Variants in PLCE1 observed in about 807,000 individuals in gnomAD.
PLCE1 encodes 1-phosphatidylinositol 4,5-bisphosphate phosphodiesterase epsilon-1.
PLCE1 carries 119 observed loss-of-function variants against 242.8 expected under a neutral mutation model. That is an observed-to-expected ratio of 0.49 (90% confidence interval 0.42 to 0.57). The LOEUF (loss-of-function observed/expected upper bound fraction) is 0.57. Among genes scored for constraint, PLCE1 ranks in the 20% least tolerant of loss-of-function variants. The pLI is 0.00. For missense variants in PLCE1, 2,441 were observed against 2,788.8 expected, an observed-to-expected ratio of 0.88 and a Z score of 2.81; for synonymous variants, 945 against 1,017.4, an observed-to-expected ratio of 0.93 and a Z score of 1.35.
At chr10:94,301,152 C>T (rs2053023037) in intron 24 of PLCE1, among the ~76,000 whole-genome samples, 1 of 152,022 alleles carries the variant, frequency 6.6e-6, no homozygotes, top group Non-Finnish European at 1.5e-5. Context: ...CAAGACCAGC[C>T]TGGCCAACAT....
intron 1 of PLCE1, among the ~76,000 whole-genome samples, chr10:94,020,852 CAG>C (rs370471196): frequency 2.0e-4 from 31 of 152,146 alleles, no homozygotes; most frequent in African/African-American, 6.7e-4. Context: ...GTTTTTGAGA[CAG>C]AGTCTCACTC....
At chr10:94,304,752 G>A (rs1021088057) in intron 25 of PLCE1, 107 bp downstream of exon 25, 2 of 1,086,390 alleles carry the variant, frequency 1.8e-6, no homozygotes, top group Non-Finnish European at 2.8e-6. Context: ...CACAATTTGG[G>A]TCATACAGAT....
At chr10:94,087,411 C>G (rs900121459) in intron 2 of PLCE1, among the ~76,000 whole-genome samples, 1 of 151,284 alleles carries the variant, frequency 6.6e-6, no homozygotes, top group Non-Finnish European at 1.5e-5. Context: ...TGCAAGGAAC[C>G]CTAGAGCCCA....
chr10:93,998,678 T>C (rs1419084728), intron 1 of PLCE1, among the ~76,000 whole-genome samples: 1 of 152,186 alleles, frequency 6.6e-6, no homozygotes, highest in Non-Finnish European at 1.5e-5. Context: ...TTACTGTTTC[T>C]TCCCCCAGGG....
intron 2 of PLCE1, among the ~76,000 whole-genome samples, chr10:94,095,319 A>C (rs7905822): frequency 4.3e-5 from 5 of 117,580 alleles, no homozygotes; most frequent in African/African-American, 2.9e-4. Context: ...GGGGCCTTTC[A>C]ATTTCTTTCT....
chr10:94,167,447 CT>C (rs2047841524), intron 3 of PLCE1, among the ~76,000 whole-genome samples: 1 of 151,978 alleles, frequency 6.6e-6, no homozygotes, highest in East Asian at 1.9e-4. Context: ...AAACTTTATT[CT>C]TGTTCACTAA....
In PLCE1 at chr10:94,280,938, C is replaced by T. The variant is rs866856105; in HGVS notation, c.4795+1027C>T. On this transcript the variant is annotated intron_variant, in intron 20 of 32. Transcript: ENST00000371380. The stretch of plus-strand genomic sequence containing the variant: ...TGCCCCCAAATATAATACCAAACTA[C>T]ATCATTTAGTATTTGTCCTTAGTAA... Among the ~76,000 whole-genome samples the T allele has an allele frequency of 3.3e-5, 5 of 152,268 alleles. No individual in the cohort carries two copies. The South Asian group carries it at 1.0e-3, about 32-fold the overall frequency.
At chr10:94,196,327 G>A (rs145311345) in intron 4 of PLCE1, among the ~76,000 whole-genome samples, 66 of 152,200 alleles carry the variant, frequency 4.3e-4, no homozygotes, top group South Asian at 1.2e-3. Flanking sequence ...TCTCTTCTTC[G>A]TTCCTTTGAG....
At chr10:94,056,232 TAA>T (rs1341282075) in intron 2 of PLCE1, among the ~76,000 whole-genome samples, 1 of 152,186 alleles carries the variant, frequency 6.6e-6, no homozygotes, top group Non-Finnish European at 1.5e-5. Context: ...TAGTCCATGT[TAA>T]AAAGAGAGGA....
At chr10:93,994,291 G>A (rs531489491) in intron 1 of PLCE1, among the ~76,000 whole-genome samples, 33 bp downstream of exon 1, 4 of 152,358 alleles carry the variant, frequency 2.6e-5, no homozygotes, top group African/African-American at 9.6e-5. Flanking sequence ...CGGTTCCTGA[G>A]GACTGGAGAA....
intron 2 of PLCE1, among the ~76,000 whole-genome samples, chr10:94,118,655 C>A (rs182610736): frequency 6.6e-6 from 1 of 152,326 alleles, no homozygotes; most frequent in East Asian, 1.9e-4. Context: ...TCCTTGCCTT[C>A]CACCATGATT....
intron 8 of PLCE1, 139 bp downstream of exon 8, chr10:94,246,760 C>T (rs1375762112): frequency 2.9e-6 from 2 of 699,384 alleles, no homozygotes; most frequent in Admixed American, 2.4e-5. Context: ...TACTTAACCT[C>T]TTGGTACCCC....
intron 4 of PLCE1, among the ~76,000 whole-genome samples, chr10:94,172,440 A>G (rs2048013774): frequency 6.6e-6 from 1 of 152,196 alleles, no homozygotes; most frequent in Admixed American, 6.5e-5. Context: ...TATTTTGGTC[A>G]TTTAGTAAAC....
intron 20 of PLCE1, among the ~76,000 whole-genome samples, chr10:94,282,017 G>A (rs1185328584): frequency 1.3e-5 from 2 of 150,940 alleles, no homozygotes; most frequent in Admixed American, 6.6e-5. Context: ...GTAATAATGG[G>A]TCTTTTTGAG....
intron 7 of PLCE1, among the ~76,000 whole-genome samples, chr10:94,245,025 C>T (rs1277751286): frequency 6.6e-6 from 1 of 152,126 alleles, no homozygotes; most frequent in Admixed American, 6.5e-5. Flanking sequence ...CTCAAGCCAG[C>T]CTATTAAGTC....
At chr10:94,089,580 A>G (rs2044983004) in intron 2 of PLCE1, among the ~76,000 whole-genome samples, 1 of 152,244 alleles carries the variant, frequency 6.6e-6, no homozygotes, top group Non-Finnish European at 1.5e-5. Context: ...CTATAGAGAT[A>G]CAAATTATTT....
chr10:94,056,882 T>A (rs1399337541), intron 2 of PLCE1, among the ~76,000 whole-genome samples: 1 of 147,942 alleles, frequency 6.8e-6, no homozygotes, highest in Non-Finnish European at 1.5e-5. Flanking sequence ...TTCTGGACAT[T>A]TCATATATGG....
At chr10:94,261,836 A>C (rs2132998928) in intron 13 of PLCE1, among the ~76,000 whole-genome samples, 1 of 152,282 alleles carries the variant, frequency 6.6e-6, no homozygotes, top group South Asian at 2.1e-4. Flanking sequence ...TAAAACTGTA[A>C]TTTTAAGGGT....
intron 2 of PLCE1, among the ~76,000 whole-genome samples, chr10:94,107,363 C>T (rs2045788143): frequency 6.6e-6 from 1 of 152,072 alleles, no homozygotes; most frequent in Non-Finnish European, 1.5e-5. Context: ...GCTTTACATA[C>T]ATTATTGCAT....
Sources: gnomAD v4.1 joint callset for allele counts (sites outside exome capture counted in the v4.1 genomes callset) on GRCh38, gnomAD v4.1.1 for gene constraint, MANE v1.5 for transcripts, NCBI Gene and HGNC (gene_info 2026-07-23, HGNC 2026-07-21) for gene names.